HOXB3: variants seen among roughly 807,000 people sequenced by gnomAD.
HOXB3 encodes the protein homeobox protein Hox-B3.
HOXB3 carries 17 observed loss-of-function variants against 29.2 expected under a neutral mutation model. The ratio of observed to expected loss-of-function variants is 0.58; its 90% CI spans 0.40 to 0.87. The LOEUF (loss-of-function observed/expected upper bound fraction) is 0.87. HOXB3 is among the 40% of genes least tolerant of loss of function. The pLI, the probability that HOXB3 is intolerant of heterozygous loss-of-function variation, is 0.00. For missense variants in HOXB3, 637 were observed against 616.3 expected (o/e 1.03, Z -0.35); for synonymous variants, 317 against 285.9 (o/e 1.11, Z -1.10).
rs532963118 is a variant in HOXB3 at position 48,577,917 on chromosome 17, C to A, written c.-424-3903G>T. The A allele has an allele frequency of 6.7e-5, 92 of 1,368,930 alleles. No homozygotes were observed. In the Admixed American group the frequency reaches 2.7e-3, roughly 40 times the overall value. The allele number at this position is 1,368,930 out of a possible 1,614,324, so 84.8% of individuals were successfully genotyped here. ...GGGTAGACGACGGGCTCTTTGCACGCGGAGTGGGACGGGCTGGGGTGCAGG... is the reference window on the plus strand; with the variant it reads ...GGGTAGACGACGGGCTCTTTGCACGAGGAGTGGGACGGGCTGGGGTGCAGG... On this transcript the variant is annotated intron_variant, in intron 1 of 4. Coordinates refer to ENST00000498678, the MANE Select transcript of HOXB3 (RefSeq NM_001384749.1).
At chr17:48,569,223 G>C (rs1393848588) in intron 2 of HOXB3, among the ~76,000 whole-genome samples, 1 of 152,020 alleles carries the variant, frequency 6.6e-6, no homozygotes. Flanking sequence ...ACCGGGAGGG[G>C]GAAGGGGGTC....
Position 48,552,571 on chromosome 17 carries a change from ACCCCCCC to A in HOXB3, c.-104_-98del. The A allele has an allele frequency of 3.8e-6, 2 of 529,440 alleles. No individual in the cohort carries two copies. Among genetic ancestry groups the A allele is most frequent in the East Asian group, 7.1e-5 (2 of 28,150 alleles). 32.8% of individuals were successfully genotyped at this position (529,440 alleles called of 1,614,324 possible). ...CCCTGGGGGTCACGTGACACGCCGG[ACCCCCCC>A]CCCCCACCTCCCCTCTCTGCCCCCC... is the stretch of plus-strand genomic sequence containing the variant. On this transcript the variant is annotated 5_prime_UTR_variant, in exon 4 of 5. An upstream open reading frame in the 5' UTR gains an earlier in-frame stop. Coordinates refer to ENST00000498678, the MANE Select transcript of HOXB3 (RefSeq NM_001384749.1).
chr17:48,577,007 G>GT, intron 1 of HOXB3: 1 of 1,603,390 alleles, frequency 6.2e-7, no homozygotes, highest in Non-Finnish European at 8.5e-7. Context: ...CCCCGCCGGC[G>GT]TAATTGGGGT....
chr17:48,574,025 A>G lies in HOXB3; in HGVS notation c.-424-11T>C, dbSNP rs1399881352. ...GTCCAAGGAGATTTGCTGTTGAATA[A>G]TAACAAAGGAGAGAGGATACGTATT... is the stretch of plus-strand genomic sequence containing the variant. On this transcript the variant is annotated splice_polypyrimidine_tract_variant and intron_variant, in intron 1 of 4. Coordinates refer to ENST00000498678, the MANE Select transcript of HOXB3 (RefSeq NM_001384749.1). 1 of 619,746 alleles carries G rather than the reference A, an allele frequency of 1.6e-6. No individual in the cohort carries two copies. Among genetic ancestry groups the G allele is most frequent in the Non-Finnish European group, 2.9e-6 (1 of 349,440 alleles). The allele number at this position is 619,746 out of a possible 1,614,324, so 38.4% of individuals were successfully genotyped here. A position where few individuals can be genotyped will look rare whatever the true frequency, so the allele number is the denominator to read the frequency against.
chr17:48,576,650 T>TTCCCCCC, intron 1 of HOXB3: 16 of 567,760 alleles, frequency 2.8e-5, no homozygotes, highest in Middle Eastern at 6.4e-4. Context: ...CCCCCTCCTG[T>TTCCCCCC]CCCCCCACCC....
intron 1 of HOXB3, chr17:48,574,518 G>T (rs963839729): frequency 1.3e-5 from 2 of 152,140 alleles, no homozygotes; most frequent in African/African-American, 4.8e-5. Flanking sequence ...GGGTGGGATT[G>T]GTTCTTTTTA....
chr17:48,562,612 C>T (rs2069238179), intron 2 of HOXB3, among the ~76,000 whole-genome samples: 1 of 152,190 alleles, frequency 6.6e-6, no homozygotes, highest in Admixed American at 6.5e-5. Flanking sequence ...ATTTACTTCA[C>T]TGAAACCTCG....
At chr17:48,581,368 A>T (rs1357703894) in intron 1 of HOXB3, 2 of 152,222 alleles carry the variant, frequency 1.3e-5, no homozygotes, top group Non-Finnish European at 2.9e-5. Flanking sequence ...TTGCCAAGAG[A>T]GGGTCCAATA....
At position 48,554,871 on chromosome 17, in the gene HOXB3, G is replaced by A; in HGVS notation, c.-159+660C>T. On this transcript the variant is annotated intron_variant, in intron 3 of 4. Coordinates refer to ENST00000498678, the MANE Select transcript of HOXB3 (RefSeq NM_001384749.1). This position sits in a 1 kb window ranked among gnomAD's most constrained non-coding sequence, Gnocchi z 4.1. Reference sequence around the variant, plus strand: ...GGACGGGACAGTGGGAAGAGAGAAAGGTGCTAAGGGGACCCAAGATCTGGG... The same window carrying A: ...GGACGGGACAGTGGGAAGAGAGAAAAGTGCTAAGGGGACCCAAGATCTGGG... 1.4e-6 allele frequency: 1 copy of A among 698,672 alleles called. No individual in the cohort carries two copies. Among genetic ancestry groups the A allele is most frequent in the Non-Finnish European group, 2.6e-6 (1 of 382,176 alleles). The allele number at this position is 698,672 out of a possible 1,614,324, so 43.3% of individuals were successfully genotyped here.
In HOXB3 at chr17:48,551,067, G is replaced by C; in HGVS notation, c.563C>G (p.Ser188Cys). ...GDKSPPGSAA[S>C]KRARTAYTSA... ...CGTGTACGCCGTCCGCGCCCGCTTG[G>C]ACGCCGCCGACCCCGGGGGGCTCTT... Residue 188 changes from serine to cysteine, a missense_variant, in exon 5 of 5, where the codon TCC (serine) becomes TGC (cysteine). Physicochemically the swap from Ser to Cys is moderately radical, Grantham distance 112. Transcript: ENST00000498678. 1 of 1,551,738 alleles carries C rather than the reference G, an allele frequency of 6.4e-7. No homozygotes were observed. The highest frequency in any genetic ancestry group is 1.8e-5 in the Admixed American group (1 of 55,516).
chr17:48,550,446 C>T lies in HOXB3; in HGVS notation c.1184G>A (p.Ser395Asn), dbSNP rs773746084. The change falls in exon 5 of 5, where the codon AGC becomes AAC. Residue 395 changes from serine (S) to asparagine (N), a missense_variant. Coordinates refer to ENST00000498678, the MANE Select transcript of HOXB3 (RefSeq NM_001384749.1). The part of the protein sequence containing the change: ...DYNGAPPMAP[S>N]QHHGPCEPHP... ...GGGTTCGCAGGGTCCGTGGTGCTGG[C>T]TGGGCGCCATAGGGGGCGCCCCGTT... is the stretch of plus-strand genomic sequence containing the variant. The T allele has an allele frequency of 1.2e-6, 2 of 1,613,598 alleles. No homozygotes were observed. Among genetic ancestry groups the T allele is most frequent in the East Asian group, 2.2e-5 (1 of 44,862 alleles).
At position 48,552,515 on chromosome 17, in the gene HOXB3, G is replaced by A; in HGVS notation, c.-41C>T. 7.3e-6 allele frequency: 11 copies of A among 1,496,626 alleles called. No homozygotes were observed. Among genetic ancestry groups the A allele is most frequent in the Non-Finnish European group, 9.9e-6 (11 of 1,105,596 alleles). 92.7% of individuals were successfully genotyped at this position (1,496,626 alleles called of 1,614,324 possible). ...GGGCAGTGGGTGGCAACTTGGAAAG[G>A]CCTGATACCCTCAGGACCGGACATT... On this transcript the variant is annotated 5_prime_UTR_variant, in exon 4 of 5. Transcript: ENST00000498678.
At chr17:48,587,123 T>C (rs901591014) in intron 1 of HOXB3, among the ~76,000 whole-genome samples, 2 of 152,280 alleles carry the variant, frequency 1.3e-5, no homozygotes, top group African/African-American at 4.8e-5. Flanking sequence ...GCTTCAAGCC[T>C]GGGGAGGGCC....
Position 48,550,615 on chromosome 17 carries a change from C to T in HOXB3, c.1015G>A (p.Gly339Ser), listed in dbSNP as rs766263721. 2.6e-6 allele frequency: 4 copies of T among 1,520,908 alleles called. No homozygotes were observed. Among genetic ancestry groups the T allele is most frequent in the African/African-American group, 2.8e-5 (2 of 71,694 alleles). The allele number at this position is 1,520,908 out of a possible 1,614,324, so 94.2% of individuals were successfully genotyped here. ...TGCATGGTGGGCGTCCCGTAGGCGC[C>T]CCCGTTGGCTTGGAGGACGTGCGGC... ...YEPHVLQANG[G>S]AYGTPTMQGS... The change falls in exon 5 of 5, where the codon GGC (glycine) becomes AGC (serine). Residue 339 changes from glycine to serine, a missense_variant. By Grantham distance (56) the Gly-to-Ser change is moderately conservative. Transcript: ENST00000498678.
intron 1 of HOXB3, among the ~76,000 whole-genome samples, chr17:48,583,191 T>C (rs189151537): frequency 7.2e-4 from 110 of 152,346 alleles, no homozygotes; most frequent in Non-Finnish European, 1.2e-3. Context: ...TTGGGGAAGA[T>C]AGAACCCTGA....
chr17:48,574,586 G>GCC (rs1597848505), intron 1 of HOXB3: 1 of 152,296 alleles, frequency 6.6e-6, no homozygotes, highest in East Asian at 1.9e-4. Context: ...GCTCTCCCGA[G>GCC]CCCCGAGCTT....
At position 48,582,210 on chromosome 17, in the gene HOXB3, G is replaced by A. The variant is rs945795693; in HGVS notation, c.-425+7915C>T. 7.9e-5 allele frequency: 12 copies of A among 152,602 alleles called. 1 individual carries two copies. The highest frequency in any genetic ancestry group is 5.9e-4 in the Admixed American group (9 of 15,294). The allele number at this position is 152,602 out of a possible 1,614,324, so 9.5% of individuals were successfully genotyped here. ...CGAAACCGAAGGCCCGAGCGGAGGCGAGTCCCCAGCCGGCCTGCGCACCGG... is the reference window on the plus strand; with the variant it reads ...CGAAACCGAAGGCCCGAGCGGAGGCAAGTCCCCAGCCGGCCTGCGCACCGG... On this transcript the variant is annotated intron_variant, in intron 1 of 4. Coordinates refer to ENST00000498678, the MANE Select transcript of HOXB3 (RefSeq NM_001384749.1).
At chr17:48,569,015 A>G (rs2069487606) in intron 2 of HOXB3, among the ~76,000 whole-genome samples, 1 of 149,614 alleles carries the variant, frequency 6.7e-6, no homozygotes, top group Non-Finnish European at 1.5e-5. Context: ...GGGCTGTTTT[A>G]TTGCTGTCTC....
intron 2 of HOXB3, among the ~76,000 whole-genome samples, chr17:48,562,065 T>G (rs948537233): frequency 6.6e-6 from 1 of 152,176 alleles, no homozygotes; most frequent in Non-Finnish European, 1.5e-5. Context: ...GGCCCTCCCT[T>G]GCCCCATAGA....
Sources: allele counts gnomAD v4.1 joint callset (sites outside exome capture counted in the v4.1 genomes callset), GRCh38; gene constraint gnomAD v4.1.1; non-coding constraint Gnocchi (gnomAD v3.1); transcripts MANE v1.5; gene names NCBI Gene and HGNC (gene_info 2026-07-23, HGNC 2026-07-21).